SLC4A4: variants seen among roughly 807,000 people sequenced by gnomAD.
SLC4A4 encodes solute carrier family 4 member 4.
A neutral mutation model predicts 111.5 loss-of-function variants in SLC4A4; 27 were observed. The observed-to-expected ratio is 0.24, with a 90% CI of 0.18 to 0.33. The LOEUF is 0.33. Among genes scored for constraint, SLC4A4 ranks in the 10% least tolerant of loss-of-function variants. The pLI, the probability that SLC4A4 is intolerant of heterozygous loss-of-function variation, is 1.00. For synonymous variants in SLC4A4, 443 were observed against 463.4 expected, an observed-to-expected ratio of 0.96 and a Z score of 0.57; for missense variants, 909 against 1,315.5, an observed-to-expected ratio of 0.69 and a Z score of 4.78.
intron 7 of SLC4A4, among the ~76,000 whole-genome samples, chr4:71,438,121 AT>A (rs1316249253): frequency 6.6e-6 from 1 of 152,112 alleles, no homozygotes; most frequent in Non-Finnish European, 1.5e-5. Context: ...AATATGTGGT[AT>A]TTTTTACACC....
intron 2 of SLC4A4, among the ~76,000 whole-genome samples, chr4:71,250,072 CT>C (rs1454498613): frequency 1.3e-5 from 2 of 151,864 alleles, no homozygotes; most frequent in African/African-American, 4.8e-5. Flanking sequence ...CAAGTAAAGT[CT>C]TTGCAGCATC....
At chr4:71,146,189 C>T (rs1475043207) in intron 2 of SLC4A4, among the ~76,000 whole-genome samples, 1 of 152,104 alleles carries the variant, frequency 6.6e-6, no homozygotes, top group African/African-American at 2.4e-5. Context: ...TTATTTCTGC[C>T]TTCATTTTAT....
At chr4:71,187,986 T>C (rs1285415676) in intron 1 of SLC4A4, among the ~76,000 whole-genome samples, 1 of 152,188 alleles carries the variant, frequency 6.6e-6, no homozygotes, top group East Asian at 1.9e-4. Flanking sequence ...TTATTTGCAA[T>C]GGATTTGGCT....
intron 3 of SLC4A4, among the ~76,000 whole-genome samples, chr4:71,256,378 A>G (rs972693586): frequency 3.3e-5 from 5 of 152,224 alleles, no homozygotes; most frequent in Non-Finnish European, 5.9e-5. Context: ...TTACAGAGTT[A>G]AATTAAAGAG....
At chr4:71,356,870 C>A in intron 5 of SLC4A4, 138 bp from the exon 6 acceptor site, 2 of 753,738 alleles carry the variant, frequency 2.7e-6, no homozygotes, top group Non-Finnish European at 4.3e-6. Flanking sequence ...TTATCTTTTA[C>A]ATAAAATGGG....
In SLC4A4 at chr4:71,357,132, T is replaced by C; in HGVS notation, c.675T>C (p.Ala225=). The C allele has an allele frequency of 3.1e-6, 5 of 1,614,168 alleles. No homozygotes were observed. The highest frequency in any genetic ancestry group is 4.2e-6 in the Non-Finnish European group (5 of 1,180,022). Residue 225 remains alanine (A), a synonymous_variant, in exon 6 of 26, where the codon GCT becomes GCC. Transcript: ENST00000264485. ...AGAAATCCAACCTTCGGTCCCTGGC[T>C]GACATTGGGAAGACAGTCTCCAGTG... ...QTKKSNLRSL[A]DIGKTVSSAS... is the part of the protein sequence containing the mutation.
intron 12 of SLC4A4, among the ~76,000 whole-genome samples, chr4:71,464,560 C>T (rs1159927459): frequency 6.6e-6 from 1 of 152,090 alleles, no homozygotes; most frequent in Non-Finnish European, 1.5e-5. Flanking sequence ...GACCTTCCTG[C>T]CAGGCTTCAA....
rs1198810568 is a variant in SLC4A4, at chr4:71,568,357, G to GA, written c.*611dup. The GA allele has an allele frequency of 1.3e-5, 2 of 152,796 alleles. No individual in the cohort carries two copies. Among genetic ancestry groups the GA allele is most frequent in the Non-Finnish European group, 2.9e-5 (2 of 68,204 alleles). The allele number at this position is 152,796 out of a possible 1,614,324, so 9.5% of individuals were successfully genotyped here. A position where few individuals can be genotyped will look rare whatever the true frequency, so the allele number is the denominator to read the frequency against. On this transcript the variant is annotated 3_prime_UTR_variant, in exon 26 of 26. Transcript: ENST00000264485. The stretch of plus-strand genomic sequence containing the variant: ...TCACTTATAGAGCTCTCCAGGACTG[G>GA]AAAAAGTGCTGCTATTTTAACTTGC...
At chr4:71,418,510 T>A (rs1354337985) in intron 7 of SLC4A4, among the ~76,000 whole-genome samples, 2 of 152,228 alleles carry the variant, frequency 1.3e-5, no homozygotes, top group African/African-American at 4.8e-5. Flanking sequence ...AGTGATTGTC[T>A]AAATTTTGGA....
intron 3 of SLC4A4, among the ~76,000 whole-genome samples, chr4:71,335,572 T>A (rs1181817684): frequency 6.6e-6 from 1 of 152,198 alleles, no homozygotes; most frequent in African/African-American, 2.4e-5. Flanking sequence ...ATGCCTGTAA[T>A]CCCAGCACTT....
intron 1 of SLC4A4, among the ~76,000 whole-genome samples, chr4:71,192,226 G>C (rs1175803806): frequency 2.0e-5 from 3 of 151,944 alleles, no homozygotes; most frequent in Non-Finnish European, 4.4e-5. Flanking sequence ...CTGGAGATCT[G>C]ATATTCACTG....
At chr4:71,168,865 T>G (rs1744859282) in intron 2 of SLC4A4, among the ~76,000 whole-genome samples, 1 of 152,206 alleles carries the variant, frequency 6.6e-6, no homozygotes, top group African/African-American at 2.4e-5. Context: ...TGATGGGCAC[T>G]TAGGTTGCTT....
At chr4:71,141,714 T>C (rs1295794753) in intron 2 of SLC4A4, among the ~76,000 whole-genome samples, 1 of 152,240 alleles carries the variant, frequency 6.6e-6, no homozygotes, top group Non-Finnish European at 1.5e-5. Context: ...TTTGCCTTGC[T>C]TATTAGTATT....
chr4:71,166,545 C>T (rs796565423), intron 2 of SLC4A4, among the ~76,000 whole-genome samples: 4 of 152,242 alleles, frequency 2.6e-5, no homozygotes, highest in African/African-American at 9.6e-5. Context: ...CATAAGCAGT[C>T]TATTTTATTT....
chr4:71,488,301 A>G (rs1217794642), intron 15 of SLC4A4, among the ~76,000 whole-genome samples: 2 of 151,614 alleles, frequency 1.3e-5, no homozygotes, highest in African/African-American at 4.8e-5. Context: ...AATCATTAAA[A>G]TTAATGAACT....
chr4:71,078,460 C>A (rs1464479567), intron 1 of SLC4A4, among the ~76,000 whole-genome samples: 1 of 152,122 alleles, frequency 6.6e-6, no homozygotes. Flanking sequence ...ATTATCAATT[C>A]AAGCAGGCTG....
intron 2 of SLC4A4, among the ~76,000 whole-genome samples, chr4:71,137,585 G>A (rs1428398140): frequency 6.6e-6 from 1 of 152,104 alleles, no homozygotes; most frequent in Non-Finnish European, 1.5e-5. Flanking sequence ...ATAGTTCCTA[G>A]TTCTGCCACA....
intron 7 of SLC4A4, among the ~76,000 whole-genome samples, chr4:71,425,490 A>G (rs1210192265): frequency 6.6e-6 from 1 of 152,176 alleles, no homozygotes; most frequent in East Asian, 1.9e-4. Flanking sequence ...TATCTGAGAC[A>G]AGTCTCAATC....
chr4:71,358,492 C>T (rs1003334226), intron 6 of SLC4A4, among the ~76,000 whole-genome samples: 2 of 152,096 alleles, frequency 1.3e-5, no homozygotes, highest in Non-Finnish European at 2.9e-5. Context: ...TTAAAGGTAA[C>T]TGTTGGCTGG....
Sources: allele counts gnomAD v4.1 joint callset (sites outside exome capture counted in the v4.1 genomes callset), GRCh38; gene constraint gnomAD v4.1.1; transcripts MANE v1.5; gene names NCBI Gene and HGNC (gene_info 2026-07-23, HGNC 2026-07-21).